Variants in PCDHGB2 observed in about 807,000 individuals in gnomAD.
PCDHGB2 encodes the protein protocadherin gamma-B2.
PCDHGB2 carries 55 observed loss-of-function variants against 59.3 expected under a neutral mutation model. The ratio of observed to expected loss-of-function variants is 0.93; its 90% CI spans 0.75 to 1.16. The LOEUF is 1.16. Ranked by LOEUF, PCDHGB2 falls within the 50% of genes most tolerant of loss-of-function variation. The pLI, the probability that PCDHGB2 is intolerant of heterozygous loss-of-function variation, is 0.00. For missense variants in PCDHGB2, 1,228 were observed against 1,198.5 expected (o/e 1.02, Z -0.36); for synonymous variants, 516 against 512.0 (o/e 1.01, Z -0.11).
At chr5:141,430,729 G>T in intron 1 of PCDHGB2, 1 of 1,499,360 alleles carries the variant, frequency 6.7e-7, no homozygotes, top group East Asian at 2.3e-5. Flanking sequence ...GTTAAGGGCA[G>T]AATTGAAAAT....
Position 141,456,055 on chromosome 5 carries a change from G to A in PCDHGB2, c.2422-38752G>A, listed in dbSNP as rs78682041. On this transcript the variant is annotated intron_variant, in intron 1 of 3. Coordinates refer to ENST00000522605, the MANE Select transcript of PCDHGB2 (RefSeq NM_018923.3). Reference sequence around the variant, plus strand: ...TGGGACTACAGGCGCCCACCACCACGTCCGGCTAATTTTTTGTATTTTCAG... The same window carrying A: ...TGGGACTACAGGCGCCCACCACCACATCCGGCTAATTTTTTGTATTTTCAG... Among the ~76,000 whole-genome samples, 302 of 151,836 alleles carry A rather than the reference G, an allele frequency of 2.0e-3. 1 individual carries two copies. The highest frequency in any genetic ancestry group is 0.01 in the Middle Eastern group (3 of 292).
At chr5:141,394,277 T>C (rs1209758237) in intron 1 of PCDHGB2, 1 of 1,613,946 alleles carries the variant, frequency 6.2e-7, no homozygotes, top group South Asian at 1.1e-5. Flanking sequence ...CCCAGGTCAC[T>C]TACTCTGTGA....
Position 141,432,477 on chromosome 5 carries a change from C to G in PCDHGB2, c.2422-62330C>G. On this transcript the variant is annotated intron_variant, in intron 1 of 3. Coordinates refer to ENST00000522605, the MANE Select transcript of PCDHGB2 (RefSeq NM_018923.3). This position sits in a 1 kb window ranked among gnomAD's most constrained non-coding sequence, Gnocchi z 6.0. ...CCCGCCCTCCCCACGGACGGTTCCA[C>G]TGGCGTGGAGCTGGCTCCCCGCTCC... 3 of 1,614,212 alleles carry G rather than the reference C, an allele frequency of 1.9e-6. No homozygotes were observed. Among genetic ancestry groups the G allele is most frequent in the Non-Finnish European group, 1.7e-6 (2 of 1,180,044 alleles).
intron 1 of PCDHGB2, chr5:141,389,025 A>C: frequency 6.2e-7 from 1 of 1,613,992 alleles, no homozygotes; most frequent in Non-Finnish European, 8.5e-7. Flanking sequence ...TGGAGAAGTG[A>C]CTTGTAAATT....
intron 1 of PCDHGB2, among the ~76,000 whole-genome samples, chr5:141,492,760 C>T (rs991820569): frequency 1.3e-5 from 2 of 152,212 alleles, no homozygotes; most frequent in Admixed American, 1.3e-4. Context: ...CAGGGCTCCG[C>T]GTTGGGCGAG....
chr5:141,403,666 T>C (rs2094439937), intron 1 of PCDHGB2: 1 of 1,613,926 alleles, frequency 6.2e-7, no homozygotes, highest in Non-Finnish European at 8.5e-7. Context: ...CAAATGATAA[T>C]GCCCCGGTTT....
At chr5:141,369,356 G>GA (rs1766179891) in intron 1 of PCDHGB2, among the ~76,000 whole-genome samples, 1 of 152,234 alleles carries the variant, frequency 6.6e-6, no homozygotes, top group Non-Finnish European at 1.5e-5. Context: ...GATGTAGTAT[G>GA]AAAAAACATC....
chr5:141,393,477 C>T (rs1561642767), intron 1 of PCDHGB2: 1 of 1,614,040 alleles, frequency 6.2e-7, no homozygotes, highest in African/African-American at 1.3e-5. Context: ...CAAGCCGCCT[C>T]GCTCTAGCAC....
chr5:141,394,929 G>C, intron 1 of PCDHGB2: 4 of 1,613,762 alleles, frequency 2.5e-6, no homozygotes, highest in Non-Finnish European at 3.4e-6. Flanking sequence ...TGTCTTCCTC[G>C]CCTTTGTCGC....
chr5:141,388,978 C>T, intron 1 of PCDHGB2: 1 of 1,613,972 alleles, frequency 6.2e-7, no homozygotes, highest in Non-Finnish European at 8.5e-7. Context: ...ACACATATTG[C>T]TTTGCTCAAA....
chr5:141,407,982 G>A (rs976187867), intron 1 of PCDHGB2: 3 of 782,892 alleles, frequency 3.8e-6, no homozygotes, highest in Non-Finnish European at 5.7e-6. Context: ...CCGGGGATCC[G>A]TCAGCCTCTG....
At chr5:141,380,705 T>G (rs1776676195) in intron 1 of PCDHGB2, among the ~76,000 whole-genome samples, 1 of 152,242 alleles carries the variant, frequency 6.6e-6, no homozygotes, top group African/African-American at 2.4e-5. Context: ...AGTCTATAAT[T>G]TAATTTAACT....
chr5:141,392,915 T>A, intron 1 of PCDHGB2: 2 of 1,613,920 alleles, frequency 1.2e-6, no homozygotes, highest in Non-Finnish European at 1.7e-6. Flanking sequence ...TTCGCTACTC[T>A]GTGCCAGAAG....
At position 141,430,761 on chromosome 5, in the gene PCDHGB2, T is replaced by C. The variant is rs769012885; in HGVS notation, c.2422-64046T>C. The C allele has an allele frequency of 2.0e-6, 3 of 1,506,132 alleles. No individual in the cohort carries two copies. The African/African-American group carries it at 4.2e-5, about 21-fold the overall frequency. The allele number at this position is 1,506,132 out of a possible 1,614,324, so 93.3% of individuals were successfully genotyped here. ...AAATAATTCTGGAGGAAGATAAGAATGATTCCTGCGCGACTGCACCGGGAC... is the reference window on the plus strand; with the variant it reads ...AAATAATTCTGGAGGAAGATAAGAACGATTCCTGCGCGACTGCACCGGGAC... On this transcript the variant is annotated intron_variant, in intron 1 of 3. Coordinates refer to ENST00000522605, the MANE Select transcript of PCDHGB2 (RefSeq NM_018923.3).
At chr5:141,391,240 T>C (rs1388357484) in intron 1 of PCDHGB2, 1 of 152,150 alleles carries the variant, frequency 6.6e-6, no homozygotes, top group Non-Finnish European at 1.5e-5. Flanking sequence ...GCTAGGTATA[T>C]CTAAGCAACT....
chr5:141,474,837 C>T (rs1250443544), intron 1 of PCDHGB2, among the ~76,000 whole-genome samples: 2 of 152,214 alleles, frequency 1.3e-5, no homozygotes, highest in Admixed American at 6.5e-5. Flanking sequence ...CTGTGCCAGG[C>T]ACTTTACCTG....
Position 141,423,508 on chromosome 5 carries a change from A to T in PCDHGB2, c.2421+60952A>T, listed in dbSNP as rs962526072. ...AACCTATTCCCACGAGGTCTCTCTCATTGCGGACTCGCAGAAGAGTCACCT... is the reference window on the plus strand; with the variant it reads ...AACCTATTCCCACGAGGTCTCTCTCTTTGCGGACTCGCAGAAGAGTCACCT... On this transcript the variant is annotated intron_variant, in intron 1 of 3. Coordinates refer to ENST00000522605, the MANE Select transcript of PCDHGB2 (RefSeq NM_018923.3). The T allele has an allele frequency of 9.9e-6, 16 of 1,613,742 alleles. No homozygotes were observed. The highest frequency in any genetic ancestry group is 1.6e-4 in the Middle Eastern group (1 of 6,084).
At position 141,390,009 on chromosome 5, in the gene PCDHGB2, A is replaced by G. The variant is rs200734314; in HGVS notation, c.2421+27453A>G. The G allele has an allele frequency of 4.0e-3, 6,510 of 1,613,890 alleles. 27 individuals carry two copies. Among genetic ancestry groups the G allele is most frequent in the Non-Finnish European group, 4.8e-3 (5,639 of 1,179,872 alleles). ...CTTCCTCGTGGCCATGATTCTGGCCATTGCCTTGCGCCTGCGACGCTCCTC... is the reference window on the plus strand; with the variant it reads ...CTTCCTCGTGGCCATGATTCTGGCCGTTGCCTTGCGCCTGCGACGCTCCTC... On this transcript the variant is annotated intron_variant, in intron 1 of 3. Coordinates refer to ENST00000522605, the MANE Select transcript of PCDHGB2 (RefSeq NM_018923.3).
At chr5:141,414,622 C>T in intron 1 of PCDHGB2, 1 of 1,613,956 alleles carries the variant, frequency 6.2e-7, no homozygotes. Context: ...AGCGCTGGAC[C>T]CGGACAGCAA....
Sources: allele counts gnomAD v4.1 joint callset (sites outside exome capture counted in the v4.1 genomes callset), GRCh38; gene constraint gnomAD v4.1.1; non-coding constraint Gnocchi (gnomAD v3.1); transcripts MANE v1.5; gene names NCBI Gene and HGNC (gene_info 2026-07-23, HGNC 2026-07-21).